Variants in ORC2 observed in about 807,000 individuals in gnomAD.
The protein encoded by ORC2 is origin recognition complex subunit 2, also known as origin recognition complex protein 2 homolog.
ORC2 carries 37 observed loss-of-function variants against 77.7 expected under a neutral mutation model. The ratio of observed to expected loss-of-function variants is 0.48; its 90% CI spans 0.37 to 0.63. The LOEUF is 0.63. ORC2 is among the 20% of genes least tolerant of loss of function. The pLI, the probability that ORC2 is intolerant of heterozygous loss-of-function variation, is 0.00. For missense variants in ORC2, 557 were observed against 661.9 expected, an observed-to-expected ratio of 0.84 and a Z score of 1.74; for synonymous variants, 201 against 229.5, an observed-to-expected ratio of 0.88 and a Z score of 1.12.
intron 11 of ORC2, among the ~76,000 whole-genome samples, chr2:200,931,088 A>G (rs1022604612): frequency 5.9e-5 from 9 of 152,154 alleles, no homozygotes; most frequent in Non-Finnish European, 1.2e-4. Flanking sequence ...AAGAAATGCT[A>G]TTTATCTTAT....
intron 1 of ORC2, among the ~76,000 whole-genome samples, chr2:200,962,764 T>C (rs755337559): frequency 6.6e-6 from 1 of 152,246 alleles, no homozygotes; most frequent in African/African-American, 2.4e-5. Flanking sequence ...TGCCCTTATA[T>C]AACGGTGTAG....
Position 200,921,120 on chromosome 2 carries a change from G to C in ORC2, c.1167C>G (p.Phe389Leu), listed in dbSNP as rs1201281219. 4 of 1,597,542 alleles carry C rather than the reference G, an allele frequency of 2.5e-6. No individual in the cohort carries two copies. Among genetic ancestry groups the C allele is most frequent in the Admixed American group, 3.4e-5 (2 of 58,382 alleles). ...KFKEDSSLEL[F>L]LLIHNLDSQM... is the part of the protein sequence containing the mutation. ...GGCTATCCAAATTGTGGATGAGAAG[G>C]AAGAGTTCTAAAGAAGAATCTAAAA... is the stretch of plus-strand genomic sequence containing the variant. The change falls in exon 14 of 18, where the codon TTC (phenylalanine) becomes TTG (leucine). Residue 389 changes from phenylalanine to leucine, a missense_variant. Coordinates refer to ENST00000234296, the MANE Select transcript of ORC2 (RefSeq NM_006190.5).
chr2:200,963,293 C>T (rs1204429868), intron 1 of ORC2, 197 bp downstream of exon 1: 4 of 396,562 alleles, frequency 1.0e-5, no homozygotes, highest in Non-Finnish European at 1.8e-5. Context: ...TAAGGGTTCT[C>T]GAGCCCCCGG....
intron 14 of ORC2, 95 bp from the exon 15 acceptor site, chr2:200,920,488 TA>T (rs1421944193): frequency 1.2e-5 from 12 of 1,017,816 alleles, no homozygotes; most frequent in Admixed American, 3.3e-5. Context: ...AAGGATTAAA[TA>T]AAAATGAATC....
At chr2:200,927,080 G>GTA (rs984319685) in intron 11 of ORC2, among the ~76,000 whole-genome samples, 180 bp from the exon 12 acceptor site, 16 of 151,928 alleles carry the variant, frequency 1.1e-4, no homozygotes, top group Middle Eastern at 3.4e-3. Context: ...TTTCATGTAT[G>GTA]TATATATATG....
rs568400857 is a variant in ORC2 at position 200,927,428 on chromosome 2, C to T, written c.918-528G>A. Among the ~76,000 whole-genome samples, 364 of 151,400 alleles carry T rather than the reference C, an allele frequency of 2.4e-3. 3 individuals are homozygous for T. Among genetic ancestry groups the T allele is most frequent in the African/African-American group, 8.5e-3 (350 of 41,386 alleles). On this transcript the variant is annotated intron_variant, in intron 11 of 17. Transcript: ENST00000234296. ...AAAAAAATTAGGTCAGGTGCGGTGG[C>T]TCACGCCTGTAATCCCAGCACTTTG...
At chr2:200,919,742 G>C (rs1244223794) in intron 15 of ORC2, among the ~76,000 whole-genome samples, 1 of 152,202 alleles carries the variant, frequency 6.6e-6, no homozygotes, top group Admixed American at 6.5e-5. Context: ...TTAGGCTGCT[G>C]TAAGGGCTTG....
At chr2:200,922,215 G>T (rs2040773037) in intron 13 of ORC2, among the ~76,000 whole-genome samples, 1 of 151,784 alleles carries the variant, frequency 6.6e-6, no homozygotes, top group Non-Finnish European at 1.5e-5. Flanking sequence ...AAAAGTCAGT[G>T]AAGGAGGAAT....
At chr2:200,913,803 A>G (rs533175553) in intron 16 of ORC2, 128 bp downstream of exon 16, 3 of 1,425,730 alleles carry the variant, frequency 2.1e-6, no homozygotes, top group African/African-American at 1.5e-5. Context: ...TGTGGCAGAC[A>G]TACCCATCAT....
rs773374214 is a variant in ORC2, at chr2:200,933,873, T to C, written c.807+3A>G. 1 of 1,573,432 alleles carries C rather than the reference T, an allele frequency of 6.4e-7. No homozygotes were observed. Among genetic ancestry groups the C allele is most frequent in the African/African-American group, 1.4e-5 (1 of 73,760 alleles). On this transcript the variant is annotated splice_donor_region_variant and intron_variant, in intron 10 of 17. Transcript: ENST00000234296. ...TTTAGAAGTAACATTCCTTGTAACA[T>C]ACCTGATCCAGTTTAGCTCTCTTTA...
intron 1 of ORC2, 101 bp downstream of exon 1, chr2:200,963,389 G>A (rs553020744): frequency 5.0e-6 from 2 of 398,302 alleles, no homozygotes; most frequent in Non-Finnish European, 8.9e-6. Flanking sequence ...GGACGCTAGG[G>A]GCCAAGCTCC....
chr2:200,926,711 G>A, intron 12 of ORC2, 57 bp downstream of exon 12: 1 of 1,559,834 alleles, frequency 6.4e-7, no homozygotes, highest in Non-Finnish European at 8.8e-7. Flanking sequence ...CATTTATGTG[G>A]GGGCTTGAAT....
intron 4 of ORC2, among the ~76,000 whole-genome samples, chr2:200,950,488 CCT>C (rs1208937594): frequency 6.6e-6 from 1 of 152,120 alleles, no homozygotes; most frequent in Non-Finnish European, 1.5e-5. Flanking sequence ...TGCTAGGATC[CCT>C]GAGGTCAAAA....
chr2:200,932,795 A>T (rs926734487), intron 10 of ORC2, among the ~76,000 whole-genome samples: 2 of 152,170 alleles, frequency 1.3e-5, no homozygotes, highest in African/African-American at 2.4e-5. Context: ...TGCCACTGTC[A>T]TGAGGATAAC....
chr2:200,912,506 C>T (rs1249613673), intron 17 of ORC2, among the ~76,000 whole-genome samples: 3 of 152,194 alleles, frequency 2.0e-5, no homozygotes, highest in African/African-American at 7.2e-5. Flanking sequence ...GCCTTCACCT[C>T]CCAGGCTCAA....
intron 15 of ORC2, 148 bp from the exon 16 acceptor site, chr2:200,914,140 A>T: frequency 3.7e-6 from 2 of 534,546 alleles, no homozygotes; most frequent in Non-Finnish European, 6.6e-6. Flanking sequence ...ATCCTTGCCT[A>T]CTTAAACAGA....
At chr2:200,912,959 G>C (rs1395183707) in intron 17 of ORC2, among the ~76,000 whole-genome samples, 1 of 152,142 alleles carries the variant, frequency 6.6e-6, no homozygotes, top group Non-Finnish European at 1.5e-5. Context: ...CTAATACTTA[G>C]TGCAATATCT....
intron 4 of ORC2, among the ~76,000 whole-genome samples, chr2:200,952,942 C>T (rs1196594817): frequency 1.3e-5 from 2 of 151,424 alleles, no homozygotes; most frequent in Non-Finnish European, 2.9e-5. Flanking sequence ...TGAGACTCCA[C>T]CTCTACAAAA....
intron 16 of ORC2, 187 bp from the exon 17 acceptor site, chr2:200,913,600 T>A (rs1399814031): frequency 7.8e-7 from 1 of 1,287,668 alleles, no homozygotes; most frequent in African/African-American, 1.5e-5. Flanking sequence ...ATTAAAATGT[T>A]TGTTGAAATC....
Sources: gnomAD v4.1 joint callset for allele counts (sites outside exome capture counted in the v4.1 genomes callset) on GRCh38, gnomAD v4.1.1 for gene constraint, MANE v1.5 for transcripts, NCBI Gene and HGNC (gene_info 2026-07-23, HGNC 2026-07-21) for gene names.